WDFY4: variants seen among roughly 807,000 people sequenced by gnomAD.
WDFY4 encodes WD repeat- and FYVE domain-containing protein 4.
Under a neutral mutation model 351.9 loss-of-function variants are expected in WDFY4, and 169 were observed. That is an observed-to-expected ratio of 0.48 (90% CI 0.42 to 0.55). The LOEUF is 0.55. Among genes scored for constraint, WDFY4 ranks in the 20% least tolerant of loss-of-function variants. The probability of loss-of-function intolerance (pLI) is 0.00; values close to 1 mark genes in which losing one functional copy is unlikely to be tolerated. For missense variants in WDFY4, 3,803 were observed against 3,935.6 expected (o/e 0.97, Z 0.90); for synonymous variants, 1,622 against 1,574.6 (o/e 1.03, Z -0.71).
Position 48,775,562 on chromosome 10 carries a change from C to T in WDFY4, c.2769-150C>T, listed in dbSNP as rs748362760. ...GGTCTGGCTGGCAGGGCAGAGACAC[C>T]CTGTCTCCACATTGCTTTCAGAAAG... On this transcript the variant is annotated intron_variant, in intron 14 of 61. Coordinates refer to ENST00000325239, the MANE Select transcript of WDFY4 (RefSeq NM_001394531.1). The T allele has an allele frequency of 5.6e-6, 4 of 710,162 alleles. No individual in the cohort carries two copies. The Admixed American group carries it at 7.0e-5, about 13-fold the overall frequency. 44.0% of individuals were successfully genotyped at this position (710,162 alleles called of 1,614,324 possible). A position where few individuals can be genotyped will look rare whatever the true frequency, so the allele number is the denominator to read the frequency against.
chr10:48,923,506 A>ATATATATATATATATGTATGTATG lies in WDFY4; in HGVS notation c.7587-18293_7587-18292insATATATATGTATGTATGTATATAT, dbSNP rs143983467. On this transcript the variant is annotated intron_variant, in intron 47 of 61. Coordinates refer to ENST00000325239, the MANE Select transcript of WDFY4 (RefSeq NM_001394531.1). The stretch of plus-strand genomic sequence containing the variant: ...AACAAATAGTTTTTAGTATATATAT[A>ATATATATATATATATGTATGTATG]TATATATGTCCCAAATACCGCATAG... Among the ~76,000 whole-genome samples the ATATATATATATATATGTATGTATG allele has an allele frequency of 5.3e-4, 61 of 114,944 alleles. 8 individuals are homozygous for ATATATATATATATATGTATGTATG. The East Asian group carries it at 7.2e-3, about 14-fold the overall frequency. 75.4% of individuals were successfully genotyped at this position (114,944 alleles called of 152,430 possible).
chr10:48,828,125 G>A (rs2068066367), intron 36 of WDFY4, among the ~76,000 whole-genome samples: 1 of 152,174 alleles, frequency 6.6e-6, no homozygotes, highest in African/African-American at 2.4e-5. Flanking sequence ...CATTTACTGA[G>A]TGTCTGTTTG....
intron 47 of WDFY4, among the ~76,000 whole-genome samples, chr10:48,917,523 G>C (rs7899092): frequency 0.12 from 17,768 of 152,220 alleles, 2,669 homozygotes; most frequent in African/African-American, 0.35. Context: ...CACCCACAGG[G>C]GAACAGCAAT....
At chr10:48,784,513 T>C (rs1050533784) in intron 19 of WDFY4, among the ~76,000 whole-genome samples, 1 of 150,050 alleles carries the variant, frequency 6.7e-6, no homozygotes, top group African/African-American at 2.5e-5. Flanking sequence ...TTGCCCATTT[T>C]CTAATTGCAT....
intron 18 of WDFY4, 98 bp from the exon 19 acceptor site, chr10:48,779,843 A>C (rs1208575442): frequency 7.4e-7 from 1 of 1,349,420 alleles, no homozygotes; most frequent in Non-Finnish European, 1.0e-6. Context: ...CCATGGTACA[A>C]GGCCCAGTGG....
intron 43 of WDFY4, among the ~76,000 whole-genome samples, chr10:48,879,362 G>A (rs2070155826): frequency 6.6e-6 from 1 of 152,200 alleles, no homozygotes; most frequent in Non-Finnish European, 1.5e-5. Context: ...GCAAGTCTGA[G>A]AACTGTGTCA....
intron 24 of WDFY4, among the ~76,000 whole-genome samples, chr10:48,797,284 C>A (rs555359828): frequency 1.4e-4 from 21 of 152,202 alleles, no homozygotes; most frequent in African/African-American, 5.1e-4. Context: ...AGAAGGCAGG[C>A]CCAAGGGGTT....
At chr10:48,964,715 A>G (rs140845863) in intron 54 of WDFY4, among the ~76,000 whole-genome samples, 45 of 152,344 alleles carry the variant, frequency 3.0e-4, no homozygotes, top group African/African-American at 1.1e-3. Context: ...CTGTCAAGAT[A>G]GTCACTTAGC....
intron 1 of WDFY4, among the ~76,000 whole-genome samples, chr10:48,687,618 T>C (rs1180035829): frequency 6.9e-6 from 1 of 143,932 alleles, no homozygotes; most frequent in Non-Finnish European, 1.5e-5. Flanking sequence ...ATTCTTTTTT[T>C]TTTTTTTTTT....
At chr10:48,788,228 C>T (rs1457444584) in intron 20 of WDFY4, among the ~76,000 whole-genome samples, 1 of 151,642 alleles carries the variant, frequency 6.6e-6, no homozygotes, top group Non-Finnish European at 1.5e-5. Context: ...GAGATTTCAC[C>T]ATGTTGGCTA....
At chr10:48,892,560 C>T (rs78923852) in intron 44 of WDFY4, among the ~76,000 whole-genome samples, 2 of 152,236 alleles carry the variant, frequency 1.3e-5, no homozygotes, top group Non-Finnish European at 2.9e-5. Context: ...TAAGAAACTA[C>T]TAGCATTCCT....
chr10:48,731,144 C>A lies in WDFY4; in HGVS notation c.1164C>A (p.Val388=). ...TTAAGAATCTTCAGGCCTTCCAGGT[C>A]CTACAGAATGTTTTCCACAAAGCCA... ...VTVKNLQAFQ[V]LQNVFHKASD... The change falls in exon 9 of 62, where the codon GTC becomes GTA. Residue 388 remains valine, a synonymous_variant. Transcript: ENST00000325239. 1 of 1,549,948 alleles carries A rather than the reference C, an allele frequency of 6.5e-7. No individual in the cohort carries two copies. Among genetic ancestry groups the A allele is most frequent in the Non-Finnish European group, 8.7e-7 (1 of 1,145,636 alleles).
At chr10:48,736,949 AT>A (rs1450742713) in intron 11 of WDFY4, among the ~76,000 whole-genome samples, 1 of 152,254 alleles carries the variant, frequency 6.6e-6, no homozygotes, top group Non-Finnish European at 1.5e-5. Context: ...TGTTTGTAAT[AT>A]TGTTAACATT....
intron 24 of WDFY4, among the ~76,000 whole-genome samples, chr10:48,802,340 C>T (rs75059369): frequency 0.018 from 2,725 of 152,236 alleles, 81 homozygotes; most frequent in African/African-American, 0.058. Context: ...TGGGCCACTG[C>T]GCTCCAGCTT....
chr10:48,897,965 C>T (rs927735023), intron 45 of WDFY4, among the ~76,000 whole-genome samples: 3 of 152,188 alleles, frequency 2.0e-5, no homozygotes, highest in Non-Finnish European at 4.4e-5. Flanking sequence ...GTCCTGCCCA[C>T]AGGGGTAAGA....
chr10:48,783,357 T>C (rs1310748972), intron 19 of WDFY4, among the ~76,000 whole-genome samples: 1 of 152,156 alleles, frequency 6.6e-6, no homozygotes, highest in Non-Finnish European at 1.5e-5. Flanking sequence ...TTTATTGTTA[T>C]AGCACTATTT....
chr10:48,925,137 C>T (rs1839463348), intron 47 of WDFY4, among the ~76,000 whole-genome samples: 1 of 152,220 alleles, frequency 6.6e-6, no homozygotes, highest in Non-Finnish European at 1.5e-5. Context: ...CTCAACAACT[C>T]ACTCATTCAA....
chr10:48,787,339 G>T (rs926547090), intron 20 of WDFY4, among the ~76,000 whole-genome samples: 5 of 152,204 alleles, frequency 3.3e-5, no homozygotes, highest in African/African-American at 1.2e-4. Flanking sequence ...ATGAATCTAT[G>T]TCAGCAGCCT....
At chr10:48,703,240 C>T (rs527785888) in intron 1 of WDFY4, among the ~76,000 whole-genome samples, 5 of 152,178 alleles carry the variant, frequency 3.3e-5, no homozygotes, top group East Asian at 3.9e-4. Flanking sequence ...AAAACAGGGG[C>T]GAGAGTGTTT....
Sources: allele counts gnomAD v4.1 joint callset (sites outside exome capture counted in the v4.1 genomes callset), GRCh38; gene constraint gnomAD v4.1.1; transcripts MANE v1.5; gene names NCBI Gene and HGNC (gene_info 2026-07-23, HGNC 2026-07-21).